Variants in FAM184A observed in about 807,000 individuals in gnomAD.
FAM184A encodes family with sequence similarity 184 member A.
A neutral mutation model predicts 143.8 loss-of-function variants in FAM184A; 99 were observed. The observed-to-expected ratio is 0.69, with a 90% CI of 0.58 to 0.81. FAM184A has a LOEUF of 0.81. Ranked by LOEUF, FAM184A falls within the 40% of genes least tolerant of loss-of-function variation. The pLI is 0.00. For synonymous variants in FAM184A, 427 were observed against 446.4 expected, an observed-to-expected ratio of 0.96 and a Z score of 0.55; for missense variants, 1,217 against 1,310.5, an observed-to-expected ratio of 0.93 and a Z score of 1.10.
At chr6:119,047,274 A>G (rs1786574732) in intron 1 of FAM184A, among the ~76,000 whole-genome samples, 1 of 152,174 alleles carries the variant, frequency 6.6e-6, no homozygotes, top group East Asian at 1.9e-4. Flanking sequence ...CTTGTACACT[A>G]TGGATGGGAA....
chr6:119,124,092 T>G (rs1562159996), intron 1 of FAM184A, among the ~76,000 whole-genome samples: 1 of 152,224 alleles, frequency 6.6e-6, no homozygotes, highest in African/African-American at 2.4e-5. Context: ...TTTTTTTAAA[T>G]TTAAAATATT....
At chr6:119,092,006 G>A (rs1288457005) in intron 1 of FAM184A, among the ~76,000 whole-genome samples, 1 of 152,208 alleles carries the variant, frequency 6.6e-6, no homozygotes. Flanking sequence ...CCAAGGGGTA[G>A]CCTCTTTTCC....
At chr6:119,013,029 T>C (rs1013121012) in intron 5 of FAM184A, among the ~76,000 whole-genome samples, 3 of 152,024 alleles carry the variant, frequency 2.0e-5, no homozygotes, top group African/African-American at 7.3e-5. Context: ...GGAAGGAGGC[T>C]GGTTTCAGCT....
chr6:119,018,855 T>A (rs1181472590), intron 4 of FAM184A, among the ~76,000 whole-genome samples: 2 of 151,880 alleles, frequency 1.3e-5, no homozygotes, highest in African/African-American at 2.4e-5. Context: ...AAAACAGTAA[T>A]CAAGAATGAC....
At chr6:119,107,900 G>A (rs1788830731) in intron 1 of FAM184A, among the ~76,000 whole-genome samples, 1 of 152,074 alleles carries the variant, frequency 6.6e-6, no homozygotes, top group South Asian at 2.1e-4. Context: ...GTGTTCCTTG[G>A]AGAACTGCTC....
At chr6:119,119,870 T>TA (rs1229993677) in intron 1 of FAM184A, among the ~76,000 whole-genome samples, 1 of 152,100 alleles carries the variant, frequency 6.6e-6, no homozygotes, top group Non-Finnish European at 1.5e-5. Flanking sequence ...TTTATGCCTG[T>TA]AGTCCCAGGA....
intron 1 of FAM184A, among the ~76,000 whole-genome samples, chr6:119,095,921 C>T (rs76038044): frequency 0.022 from 3,420 of 152,164 alleles, 43 homozygotes; most frequent in Middle Eastern, 0.051. Flanking sequence ...TTCCAATGGG[C>T]GCAATTAGTT....
upstream of FAM184A, among the ~76,000 whole-genome samples, chr6:119,080,673 A>C (rs2114806165): frequency 6.6e-6 from 1 of 152,334 alleles, no homozygotes; most frequent in Non-Finnish European, 1.5e-5. Context: ...TGAGCTTCCC[A>C]AATCCAAAAA....
At chr6:119,011,056 T>C in intron 6 of FAM184A, 1 of 326,198 alleles carries the variant, frequency 3.1e-6, no homozygotes, top group Non-Finnish European at 5.5e-6. Flanking sequence ...CTCTTGTTCT[T>C]TTCCTATGTG....
chr6:119,056,150 A>C (rs1416225965), intron 1 of FAM184A, among the ~76,000 whole-genome samples: 1 of 152,248 alleles, frequency 6.6e-6, no homozygotes, highest in Non-Finnish European at 1.5e-5. Context: ...AAAATCTAAA[A>C]GATATTTCAA....
At chr6:119,057,605 G>A (rs1787035655) in intron 1 of FAM184A, among the ~76,000 whole-genome samples, 1 of 152,120 alleles carries the variant, frequency 6.6e-6, no homozygotes, top group Admixed American at 6.5e-5. Flanking sequence ...ATTCAGGTGT[G>A]GTGGTGCACA....
intron 9 of FAM184A, among the ~76,000 whole-genome samples, chr6:119,001,494 A>T (rs368047906): frequency 6.6e-6 from 1 of 152,148 alleles, no homozygotes; most frequent in Non-Finnish European, 1.5e-5. Context: ...ATTTTATGAT[A>T]TACAGAACCA....
At position 118,976,053 on chromosome 6, in the gene FAM184A, G is replaced by C. The variant is rs766207121; in HGVS notation, c.2456-9C>G. ...TTCTGAGCGCAAGGAAGCTGGAATT[G>C]CAAGGCAAAAATACATTTGGCACAT... On this transcript the variant is annotated splice_polypyrimidine_tract_variant and intron_variant, in intron 11 of 17. Coordinates refer to ENST00000338891, the MANE Select transcript of FAM184A (RefSeq NM_024581.6). The C allele has an allele frequency of 6.8e-6, 11 of 1,606,596 alleles. No homozygotes were observed. The South Asian group carries it at 1.2e-4, about 18-fold the overall frequency.
At chr6:118,974,689 T>C (rs1015026257) in intron 13 of FAM184A, 115 bp from the exon 14 acceptor site, 46 of 845,064 alleles carry the variant, frequency 5.4e-5, no homozygotes, top group Non-Finnish European at 7.8e-5. Context: ...AAAATTTATG[T>C]AAACAGCCTA....
rs868327690 is a variant in FAM184A, at chr6:118,961,966, G to T, written c.3139-3C>A. The T allele has an allele frequency of 6.2e-7, 1 of 1,612,532 alleles. No homozygotes were observed. The highest frequency in any genetic ancestry group is 1.3e-5 in the African/African-American group (1 of 74,826). On this transcript the variant is annotated splice_region_variant and splice_polypyrimidine_tract_variant and intron_variant, in intron 16 of 17. Transcript: ENST00000338891. ...GATTTATCATTCTTCTTCTTTTGCTGCATTAAAAATAATACATGTGAGGAT... is the reference window on the plus strand; with the variant it reads ...GATTTATCATTCTTCTTCTTTTGCTTCATTAAAAATAATACATGTGAGGAT...
At chr6:119,015,379 G>A (rs1415392292) in intron 5 of FAM184A, among the ~76,000 whole-genome samples, 2 of 152,170 alleles carry the variant, frequency 1.3e-5, no homozygotes, top group South Asian at 2.1e-4. Flanking sequence ...GCCAGCTGGA[G>A]TTCTGGGTGG....
intron 1 of FAM184A, among the ~76,000 whole-genome samples, chr6:119,037,556 T>C (rs1216200975): frequency 6.6e-6 from 1 of 152,172 alleles, no homozygotes; most frequent in African/African-American, 2.4e-5. Flanking sequence ...TTGAATGAGA[T>C]GGCAACACCA....
chr6:119,078,277 C>G lies in FAM184A; in HGVS notation c.23G>C (p.Trp8Ser), dbSNP rs1245785527. 1 of 1,513,560 alleles carries G rather than the reference C, an allele frequency of 6.6e-7. No individual in the cohort carries two copies. The highest frequency in any genetic ancestry group is 1.2e-5 in the South Asian group (1 of 81,266). The allele number at this position is 1,513,560 out of a possible 1,614,324, so 93.8% of individuals were successfully genotyped here. A position where few individuals can be genotyped will look rare whatever the true frequency, so the allele number is the denominator to read the frequency against. MATPGMS[W>S]QQHYYGGSAA... is the part of the protein sequence containing the mutation. ...CGAGCCGCCGTAATAGTGCTGCTGCCAGCTCATGCCCGGGGTCGCCATCTT... is the reference window on the plus strand; with the variant it reads ...CGAGCCGCCGTAATAGTGCTGCTGCGAGCTCATGCCCGGGGTCGCCATCTT... The change falls in exon 1 of 18, where the codon TGG becomes TCG. Residue 8 changes from tryptophan (W) to serine (S), a missense_variant. Transcript: ENST00000338891. This position sits in a 1 kb window ranked among gnomAD's most constrained non-coding sequence, Gnocchi z 5.5.
At chr6:119,108,111 T>C (rs1167945169) in intron 1 of FAM184A, among the ~76,000 whole-genome samples, 2 of 100,446 alleles carry the variant, frequency 2.0e-5, no homozygotes, top group Non-Finnish European at 4.1e-5. Flanking sequence ...AATTTGAAAG[T>C]TTGAGAAGCA....
Sources: gnomAD v4.1 joint callset for allele counts (sites outside exome capture counted in the v4.1 genomes callset) on GRCh38, gnomAD v4.1.1 for gene constraint, Gnocchi (gnomAD v3.1) non-coding constraint, MANE v1.5 for transcripts, NCBI Gene and HGNC (gene_info 2026-07-23, HGNC 2026-07-21) for gene names.